NFIB: variants seen among roughly 807,000 people sequenced by gnomAD.
NFIB encodes the protein nuclear factor 1 B-type.
In NFIB, 11 loss-of-function variants were observed where a neutral mutation model predicts 61.5. The observed-to-expected ratio is 0.18, with a 90% CI of 0.11 to 0.30. NFIB has a LOEUF of 0.30. Ranked by LOEUF, NFIB falls within the 10% of genes least tolerant of loss-of-function variation. The pLI is 1.00. For missense variants in NFIB, 471 were observed against 608.9 expected (o/e 0.77, Z 2.38); for synonymous variants, 260 against 216.5 (o/e 1.20, Z -1.76).
At chr9:14,482,275 A>T in the NFIB span, among the ~76,000 whole-genome samples, 1 of 152,152 alleles carries the variant, frequency 6.6e-6, no homozygotes, top group Admixed American at 6.5e-5. Context: ...TGCCAGATAC[A>T]GTGCCCTGAC....
At chr9:14,368,753 G>A (rs2132964546) in intron 1 of NFIB, among the ~76,000 whole-genome samples, 1 of 152,162 alleles carries the variant, frequency 6.6e-6, no homozygotes, top group South Asian at 2.1e-4. Context: ...TCATATTTTG[G>A]TGCTTTCAGA....
At chr9:14,146,558 C>A in intron 6 of NFIB, 131 bp downstream of exon 6, 2 of 1,295,088 alleles carry the variant, frequency 1.5e-6, no homozygotes, top group Non-Finnish European at 2.1e-6. Context: ...AAAAATAATT[C>A]TACAGGAATC....
chr9:14,459,153 T>C, the NFIB span, among the ~76,000 whole-genome samples: 2 of 152,178 alleles, frequency 1.3e-5, no homozygotes, highest in African/African-American at 4.8e-5. Context: ...AGCATGGTAC[T>C]GGTACCAAAA....
At chr9:14,114,629 C>T (rs939202132) in intron 9 of NFIB, among the ~76,000 whole-genome samples, 17 of 152,148 alleles carry the variant, frequency 1.1e-4, no homozygotes, top group African/African-American at 3.9e-4. Flanking sequence ...CAAATCAGAT[C>T]CCTTTTTGAA....
the NFIB span, among the ~76,000 whole-genome samples, chr9:14,526,718 C>T: frequency 6.6e-6 from 1 of 152,178 alleles, no homozygotes; most frequent in African/African-American, 2.4e-5. Context: ...TGACATCATT[C>T]AGCCATGTTA....
intron 1 of NFIB, among the ~76,000 whole-genome samples, chr9:14,340,682 C>CTTCT (rs2060939237): frequency 6.6e-6 from 1 of 152,214 alleles, no homozygotes; most frequent in South Asian, 2.1e-4. Context: ...TTTCGTTGTG[C>CTTCT]AGAATGTGAA....
At chr9:14,434,272 A>C in the NFIB span, among the ~76,000 whole-genome samples, 3 of 152,154 alleles carry the variant, frequency 2.0e-5, no homozygotes, top group African/African-American at 4.8e-5. Context: ...AATGGTGATG[A>C]AGGTAACAAG....
chr9:14,307,815 A>G lies in NFIB; in HGVS notation c.31-295T>C, dbSNP rs946510003. On this transcript the variant is annotated intron_variant, in intron 1 of 10. Coordinates refer to ENST00000380953, the MANE Select transcript of NFIB (RefSeq NM_001190737.2). The surrounding 1 kb of genome is among the most constrained non-coding windows in gnomAD (Gnocchi z 5.3). Reference sequence around the variant, plus strand: ...CCCCATCCCCCTTGTTTCCACCCCAATGCCATGCATTCTACATTCTTTAAA... The same window carrying G: ...CCCCATCCCCCTTGTTTCCACCCCAGTGCCATGCATTCTACATTCTTTAAA... 3 of 240,808 alleles carry G rather than the reference A, an allele frequency of 1.2e-5. No individual in the cohort carries two copies. Among genetic ancestry groups the G allele is most frequent in the Middle Eastern group, 1.4e-3 (1 of 728 alleles). The allele number at this position is 240,808 out of a possible 1,614,324, so 14.9% of individuals were successfully genotyped here.
chr9:14,512,310 T>C, the NFIB span, among the ~76,000 whole-genome samples: 1 of 152,118 alleles, frequency 6.6e-6, no homozygotes, highest in Non-Finnish European at 1.5e-5. Flanking sequence ...AGTACAGAAA[T>C]GTAATTTTGA....
chr9:14,426,821 C>T, the NFIB span, among the ~76,000 whole-genome samples: 4 of 152,178 alleles, frequency 2.6e-5, no homozygotes, highest in African/African-American at 7.2e-5. Flanking sequence ...GCCTGGGGAA[C>T]CTCTGACAGC....
chr9:14,231,529 G>T lies in NFIB; in HGVS notation c.563-51749C>A, dbSNP rs554036358. ...TATCACAAACTATTTTGATTGCATA[G>T]AAAGAAAAGTGCTAAGTAAAAATTA... is the stretch of plus-strand genomic sequence containing the variant. On this transcript the variant is annotated intron_variant, in intron 2 of 10. Coordinates refer to ENST00000380953, the MANE Select transcript of NFIB (RefSeq NM_001190737.2). 7.2e-5 allele frequency among the ~76,000 whole-genome samples: 11 copies of T among 152,198 alleles called. No individual in the cohort carries two copies. The South Asian group carries it at 2.3e-3, about 32-fold the overall frequency.
chr9:14,482,117 C>T, the NFIB span, among the ~76,000 whole-genome samples: 1 of 134,282 alleles, frequency 7.4e-6, no homozygotes, highest in Middle Eastern at 5.2e-3. Flanking sequence ...ATGCCATGTT[C>T]TAGGAGATCA....
chr9:14,250,345 A>G (rs1310860578), intron 2 of NFIB, among the ~76,000 whole-genome samples: 1 of 152,196 alleles, frequency 6.6e-6, no homozygotes, highest in Admixed American at 6.5e-5. Flanking sequence ...CCTCTTAAAC[A>G]TGAGAGAGAA....
upstream of NFIB, among the ~76,000 whole-genome samples, chr9:14,319,023 T>C (rs759674354): frequency 3.1e-4 from 47 of 152,152 alleles, no homozygotes; most frequent in Non-Finnish European, 4.4e-4. Context: ...CACAACTGGT[T>C]AGTTTCCCCA....
chr9:14,339,790 G>A (rs1199656167), intron 1 of NFIB, among the ~76,000 whole-genome samples: 1 of 152,166 alleles, frequency 6.6e-6, no homozygotes, highest in Non-Finnish European at 1.5e-5. Flanking sequence ...CTAGGGGAGA[G>A]AATTAAGGGA....
chr9:14,499,544 A>G, the NFIB span, among the ~76,000 whole-genome samples: 4 of 152,182 alleles, frequency 2.6e-5, no homozygotes, highest in Non-Finnish European at 4.4e-5. Flanking sequence ...TGCCTCCTGG[A>G]TTGTGAAAAT....
the NFIB span, among the ~76,000 whole-genome samples, chr9:14,507,955 GACACAGACACACACAAAC>G: frequency 7.0e-6 from 1 of 142,296 alleles, no homozygotes; most frequent in Non-Finnish European, 1.5e-5. Context: ...CACAGACACA[GACACAGACACACACAAAC>G]ACACACACAC....
At position 14,175,506 on chromosome 9, in the gene NFIB, A is replaced by C. The variant is rs62532532; in HGVS notation, c.616+4221T>G. On this transcript the variant is annotated intron_variant, in intron 3 of 10. Coordinates refer to ENST00000380953, the MANE Select transcript of NFIB (RefSeq NM_001190737.2). ...TAAAGAATTTCTTAAGTGCAAGATA[A>C]GCACATAGCTATCATTAATAGATAA... Among the ~76,000 whole-genome samples the C allele has an allele frequency of 4.8e-3, 733 of 152,250 alleles. 3 individuals are homozygous for C. Among genetic ancestry groups the C allele is most frequent in the Non-Finnish European group, 7.8e-3 (531 of 67,996 alleles).
the NFIB span, among the ~76,000 whole-genome samples, chr9:14,474,290 A>T: frequency 5.9e-5 from 9 of 152,034 alleles, no homozygotes; most frequent in African/African-American, 2.2e-4. Flanking sequence ...TGGTTCATGG[A>T]TGGCTGCCTT....
Sources: gnomAD v4.1 joint callset for allele counts (sites outside exome capture counted in the v4.1 genomes callset) on GRCh38, gnomAD v4.1.1 for gene constraint, Gnocchi (gnomAD v3.1) non-coding constraint, MANE v1.5 for transcripts, NCBI Gene and HGNC (gene_info 2026-07-23, HGNC 2026-07-21) for gene names.